The following TENM2 variants were observed in gnomAD, a reference collection of about 807,000 sequenced individuals.
TENM2 encodes teneurin transmembrane protein 2, also known as teneurin-2.
In TENM2, 52 loss-of-function variants were observed where a neutral mutation model predicts 245.2. The ratio of observed to expected loss-of-function variants is 0.21; its 90% CI spans 0.17 to 0.27. The LOEUF is 0.27. Ranked by LOEUF, TENM2 falls within the 10% of genes least tolerant of loss-of-function variation. The probability of loss-of-function intolerance (pLI) is 1.00; values close to 1 mark genes in which losing one functional copy is unlikely to be tolerated. For synonymous variants in TENM2, 1,363 were observed against 1,438.9 expected, an observed-to-expected ratio of 0.95 and a Z score of 1.19; for missense variants, 3,046 against 3,666.8, an observed-to-expected ratio of 0.83 and a Z score of 4.37.
chr5:167,002,395 C>T, the TENM2 span, among the ~76,000 whole-genome samples: 1 of 152,072 alleles, frequency 6.6e-6, no homozygotes, highest in Non-Finnish European at 1.5e-5. Flanking sequence ...CAGCCTGGGT[C>T]ACAGAGGAGA....
At chr5:167,609,488 C>CAGAAAAAAAA (rs1777301599) in intron 2 of TENM2, among the ~76,000 whole-genome samples, 1 of 36,684 alleles carries the variant, frequency 2.7e-5, no homozygotes, top group African/African-American at 9.8e-5. Flanking sequence ...CCTGATGATG[C>CAGAAAAAAAA]AAAAAAAAAA....
chr5:167,406,448 T>C (rs1762641719), intron 2 of TENM2, among the ~76,000 whole-genome samples: 1 of 152,198 alleles, frequency 6.6e-6, no homozygotes, highest in African/African-American at 2.4e-5. Flanking sequence ...ATTGAGTATT[T>C]CGGGGCCTGG....
chr5:167,713,928 A>T (rs1759080942), intron 2 of TENM2, among the ~76,000 whole-genome samples: 1 of 152,062 alleles, frequency 6.6e-6, no homozygotes, highest in Admixed American at 6.6e-5. Context: ...TGCTATCTCT[A>T]CTCACAAGGT....
intron 12 of TENM2, among the ~76,000 whole-genome samples, chr5:168,136,193 C>T (rs915652456): frequency 1.3e-5 from 2 of 152,114 alleles, no homozygotes; most frequent in Non-Finnish European, 1.5e-5. Context: ...TGATGCTATT[C>T]CAAGACAGAT....
chr5:167,321,781 G>GTTTTTTTTTTTTTTTTTTTTTT (rs1554133753), intron 1 of TENM2, among the ~76,000 whole-genome samples: 1 of 38,722 alleles, frequency 2.6e-5, no homozygotes, highest in Non-Finnish European at 4.9e-5. Context: ...TGCTGCCTTG[G>GTTTTTTTTTTTTTTTTTTTTTT]CTTATTTTTT....
At chr5:167,203,121 A>C in the TENM2 span, among the ~76,000 whole-genome samples, 53 of 152,178 alleles carry the variant, frequency 3.5e-4, no homozygotes, top group Admixed American at 2.0e-4. Flanking sequence ...TCCCAATTAT[A>C]CTTGAATAAT....
At chr5:167,559,600 T>C (rs1773461342) in intron 2 of TENM2, among the ~76,000 whole-genome samples, 1 of 152,172 alleles carries the variant, frequency 6.6e-6, no homozygotes, top group African/African-American at 2.4e-5. Context: ...GTTCTTGGCC[T>C]CCCACCTGTA....
intron 3 of TENM2, among the ~76,000 whole-genome samples, chr5:167,935,730 G>A (rs1335250815): frequency 6.6e-6 from 1 of 152,156 alleles, no homozygotes; most frequent in Non-Finnish European, 1.5e-5. Context: ...GCTAGCTGCT[G>A]GCATTCATGA....
intron 8 of TENM2, among the ~76,000 whole-genome samples, chr5:168,091,587 C>G (rs1792943422): frequency 6.6e-6 from 1 of 152,112 alleles, no homozygotes; most frequent in African/African-American, 2.4e-5. Context: ...AATAATTGAT[C>G]CTGGGTAGAA....
chr5:168,144,667 A>G (rs1399433069), intron 12 of TENM2, among the ~76,000 whole-genome samples: 2 of 151,692 alleles, frequency 1.3e-5, no homozygotes, highest in Non-Finnish European at 2.9e-5. Context: ...TTATAGCAGC[A>G]TGATTTATAG....
At chr5:167,641,202 A>G (rs763298181) in intron 2 of TENM2, among the ~76,000 whole-genome samples, 1 of 152,066 alleles carries the variant, frequency 6.6e-6, no homozygotes, top group Non-Finnish European at 1.5e-5. Flanking sequence ...TGCAAAACCT[A>G]AAAGTTAATA....
At chr5:167,975,375 G>C (rs777790783) in intron 4 of TENM2, among the ~76,000 whole-genome samples, 2 of 152,066 alleles carry the variant, frequency 1.3e-5, no homozygotes, top group African/African-American at 4.8e-5. Flanking sequence ...ATGCTGCAGG[G>C]TCTGCCTTAG....
chr5:167,830,354 G>C (rs1227700778), intron 2 of TENM2, among the ~76,000 whole-genome samples: 2 of 152,136 alleles, frequency 1.3e-5, no homozygotes, highest in Non-Finnish European at 2.9e-5. Context: ...TTTTTAAAGA[G>C]AGCAGGCTCA....
At chr5:167,019,467 G>GT in the TENM2 span, among the ~76,000 whole-genome samples, 5 of 151,758 alleles carry the variant, frequency 3.3e-5, no homozygotes, top group Non-Finnish European at 5.9e-5. Flanking sequence ...TGTTGTTTTT[G>GT]TTTTTTTTAT....
At chr5:167,295,962 G>T (rs1754926563) in intron 1 of TENM2, among the ~76,000 whole-genome samples, 1 of 152,028 alleles carries the variant, frequency 6.6e-6, no homozygotes, top group South Asian at 2.1e-4. Flanking sequence ...GTGTAATATA[G>T]ACTTATTTAA....
intron 9 of TENM2, among the ~76,000 whole-genome samples, chr5:168,099,070 C>T (rs751710480): frequency 5.9e-5 from 9 of 151,990 alleles, no homozygotes; most frequent in South Asian, 2.1e-4. Context: ...CCACCACACC[C>T]GGCTAATTTT....
At chr5:167,433,353 A>G (rs939564948) in intron 2 of TENM2, among the ~76,000 whole-genome samples, 2 of 152,136 alleles carry the variant, frequency 1.3e-5, no homozygotes, top group East Asian at 3.9e-4. Context: ...GTGTTGTTAT[A>G]AGGAAACAAC....
At chr5:167,481,254 G>A (rs1369417931) in intron 2 of TENM2, among the ~76,000 whole-genome samples, 1 of 152,160 alleles carries the variant, frequency 6.6e-6, no homozygotes, top group Admixed American at 6.5e-5. Context: ...GCAGCCCACA[G>A]ACCAAATATG....
At chr5:167,718,239 C>T (rs1021220756) in intron 2 of TENM2, among the ~76,000 whole-genome samples, 6 of 152,172 alleles carry the variant, frequency 3.9e-5, no homozygotes, top group African/African-American at 1.4e-4. Context: ...CTCCACTCCC[C>T]ATCCTGTTGC....
Sources: gnomAD v4.1 joint callset for allele counts (sites outside exome capture counted in the v4.1 genomes callset) on GRCh38, gnomAD v4.1.1 for gene constraint, MANE v1.5 for transcripts, NCBI Gene and HGNC (gene_info 2026-07-23, HGNC 2026-07-21) for gene names.